The following JPH1 variants were observed in gnomAD, a reference collection of about 807,000 sequenced individuals.
The protein encoded by JPH1 is junctophilin 1.
In JPH1, 12 loss-of-function variants were observed where a neutral mutation model predicts 53.6. The ratio of observed to expected loss-of-function variants is 0.22; its 90% CI spans 0.14 to 0.36. The LOEUF is 0.36. JPH1 is among the 10% of genes least tolerant of loss of function. The pLI is 1.00. For synonymous variants in JPH1, 375 were observed against 363.8 expected, an observed-to-expected ratio of 1.03 and a Z score of -0.35; for missense variants, 808 against 905.5, an observed-to-expected ratio of 0.89 and a Z score of 1.38.
intron 2 of JPH1, among the ~76,000 whole-genome samples, chr8:74,291,038 A>G (rs1191122839): frequency 6.6e-6 from 1 of 152,178 alleles, no homozygotes; most frequent in Non-Finnish European, 1.5e-5. Context: ...CTAGAAGAAA[A>G]CCTAGGCAAT....
At chr8:74,264,671 T>C (rs1385540227) in intron 2 of JPH1, among the ~76,000 whole-genome samples, 3 of 152,230 alleles carry the variant, frequency 2.0e-5, no homozygotes, top group Non-Finnish European at 2.9e-5. Flanking sequence ...GAGGCCACTC[T>C]GAGCCACAAG....
chr8:74,298,539 A>G (rs1023985634), intron 2 of JPH1, among the ~76,000 whole-genome samples: 1 of 152,158 alleles, frequency 6.6e-6, no homozygotes, highest in Non-Finnish European at 1.5e-5. Flanking sequence ...TGTGTGTTGC[A>G]TAATACCCTG....
chr8:74,302,890 C>T (rs534163811), intron 2 of JPH1, among the ~76,000 whole-genome samples: 3 of 151,340 alleles, frequency 2.0e-5, no homozygotes, highest in South Asian at 4.2e-4. Context: ...TAAATGTTTG[C>T]CAAATGATGT....
At chr8:74,303,369 A>G (rs1807738922) in intron 2 of JPH1, among the ~76,000 whole-genome samples, 1 of 152,188 alleles carries the variant, frequency 6.6e-6, no homozygotes, top group South Asian at 2.1e-4. Context: ...TATCCTTCTG[A>G]GTAAACAGTA....
chr8:74,306,589 G>A (rs1807840815), intron 2 of JPH1, among the ~76,000 whole-genome samples: 2 of 133,096 alleles, frequency 1.5e-5, no homozygotes, highest in African/African-American at 2.9e-5. Context: ...AAAGGATGAT[G>A]GTGATCTACA....
intron 2 of JPH1, among the ~76,000 whole-genome samples, chr8:74,281,498 A>T (rs1480494674): frequency 6.6e-6 from 1 of 152,242 alleles, no homozygotes; most frequent in Non-Finnish European, 1.5e-5. Context: ...CCCAACACAC[A>T]TTTTGAAATA....
intron 2 of JPH1, among the ~76,000 whole-genome samples, chr8:74,260,060 T>C (rs990677755): frequency 3.9e-5 from 6 of 152,168 alleles, no homozygotes; most frequent in Non-Finnish European, 7.3e-5. Context: ...CATAATGCCG[T>C]TGGATGTGCA....
chr8:74,290,934 A>C (rs2131432198), intron 2 of JPH1, among the ~76,000 whole-genome samples: 1 of 152,366 alleles, frequency 6.6e-6, no homozygotes, highest in South Asian at 2.1e-4. Flanking sequence ...GCATATGCAG[A>C]AAGCTGAAAC....
At chr8:74,277,723 C>T (rs991624195) in intron 2 of JPH1, among the ~76,000 whole-genome samples, 1 of 152,170 alleles carries the variant, frequency 6.6e-6, no homozygotes, top group African/African-American at 2.4e-5. Context: ...ACGAGGCTCA[C>T]AGATGTATAC....
chr8:74,260,570 G>A (rs1460316321), intron 2 of JPH1, among the ~76,000 whole-genome samples: 6 of 152,114 alleles, frequency 3.9e-5, no homozygotes. Context: ...ATGGAAGTCT[G>A]AAAAAGGTGC....
chr8:74,240,522 T>C (rs1409905527), intron 4 of JPH1, among the ~76,000 whole-genome samples: 2 of 152,202 alleles, frequency 1.3e-5, no homozygotes, highest in Non-Finnish European at 2.9e-5. Flanking sequence ...TTTGTCTTTC[T>C]GTGCCTGGCT....
chr8:74,262,029 T>C (rs1044365576), intron 2 of JPH1, among the ~76,000 whole-genome samples: 4 of 152,202 alleles, frequency 2.6e-5, no homozygotes, highest in African/African-American at 9.7e-5. Flanking sequence ...TACTTAACCC[T>C]TTACTTTTTT....
chr8:74,244,784 A>G lies in JPH1; in HGVS notation c.1650T>C (p.Tyr550=). The G allele has an allele frequency of 6.2e-7, 1 of 1,614,220 alleles. No homozygotes were observed. The highest frequency in any genetic ancestry group is 2.2e-5 in the East Asian group (1 of 44,884). ...NPSNGELHSQ[Y]HGYYVKLNAP... ...CGTTCAGCTTCACGTAGTAGCCGTG[A>G]TACTGAGAATGCAGCTCCCCGTTAC... The change falls in exon 4 of 6, where the codon TAT becomes TAC. Residue 550 remains tyrosine (Y), a synonymous_variant. Transcript: ENST00000342232.
rs536250205 is a variant in JPH1, at chr8:74,236,066, T to C, written c.*985A>G. The C allele has an allele frequency of 4.9e-4, 75 of 152,352 alleles. No individual in the cohort carries two copies. Among genetic ancestry groups the C allele is most frequent in the Non-Finnish European group, 9.4e-4 (64 of 68,036 alleles). The allele number at this position is 152,352 out of a possible 1,614,324, so 9.4% of individuals were successfully genotyped here. A position where few individuals can be genotyped will look rare whatever the true frequency, so the allele number is the denominator to read the frequency against. On this transcript the variant is annotated 3_prime_UTR_variant, in exon 6 of 6. Transcript: ENST00000342232. ...TGATTACTGCAATCCATGCAACGTT[T>C]GGACTATATTTCTTAGAATTCTGTT...
At chr8:74,255,352 C>A (rs1057352180) in intron 3 of JPH1, among the ~76,000 whole-genome samples, 1 of 152,032 alleles carries the variant, frequency 6.6e-6, no homozygotes, top group South Asian at 2.1e-4. Context: ...ATGTAGAAAG[C>A]TGAAACTGGA....
rs759613691 is a variant in JPH1 at position 74,244,931 on chromosome 8, C to A, written c.1503G>T (p.Val501=). Reference sequence around the variant, plus strand: ...CAATGGCCGTCACCTGCTCATCAGCCACACTCCTTTTGTCTTGGTTGAGTC... The same window carrying A: ...CAATGGCCGTCACCTGCTCATCAGCAACACTCCTTTTGTCTTGGTTGAGTC... The part of the protein sequence containing the change: ...GARLNQDKRS[V]ADEQVTAIVN... The change falls in exon 4 of 6, where the codon GTG becomes GTT. Residue 501 remains valine (V), a synonymous_variant. Coordinates refer to ENST00000342232, the MANE Select transcript of JPH1 (RefSeq NM_020647.4). 33 of 1,614,108 alleles carry A rather than the reference C, an allele frequency of 2.0e-5. No homozygotes were observed. Among genetic ancestry groups the A allele is most frequent in the Middle Eastern group, 1.6e-4 (1 of 6,062 alleles).
At chr8:74,237,401 T>C (rs112193650) in intron 4 of JPH1, 98 bp from the exon 5 acceptor site, 3 of 940,336 alleles carry the variant, frequency 3.2e-6, no homozygotes, top group African/African-American at 3.3e-5. Flanking sequence ...GTTAACATGA[T>C]TGCAGTAAAT....
chr8:74,286,350 C>T (rs769381598), intron 2 of JPH1, among the ~76,000 whole-genome samples: 14 of 152,146 alleles, frequency 9.2e-5, no homozygotes, highest in Non-Finnish European at 1.9e-4. Context: ...TGAGTGTATA[C>T]ATTGCATGAT....
At chr8:74,272,840 G>A (rs946376278) in intron 2 of JPH1, among the ~76,000 whole-genome samples, 14 of 151,920 alleles carry the variant, frequency 9.2e-5, no homozygotes. Context: ...TCCTGACCTC[G>A]TGATCCGCCC....
Sources: gnomAD v4.1 joint callset for allele counts (sites outside exome capture counted in the v4.1 genomes callset) on GRCh38, gnomAD v4.1.1 for gene constraint, MANE v1.5 for transcripts, NCBI Gene and HGNC (gene_info 2026-07-23, HGNC 2026-07-21) for gene names.